Variants in FAM237A observed in about 807,000 individuals in gnomAD.
FAM237A encodes the protein protein FAM237A.
In FAM237A, 14 loss-of-function variants were observed where a neutral mutation model predicts 12.5. That is an observed-to-expected ratio of 1.12 (90% CI 0.74 to 1.75). The LOEUF (loss-of-function observed/expected upper bound fraction) is 1.75, where lower values mean the gene tolerates loss of function less well. FAM237A is among the 40% of genes most tolerant of loss of function. The pLI, the probability that FAM237A is intolerant of heterozygous loss-of-function variation, is 0.00. For missense variants in FAM237A, 240 were observed against 211.7 expected (o/e 1.13, Z -0.83); for synonymous variants, 85 against 77.5 (o/e 1.10, Z -0.51).
At position 206,644,441 on chromosome 2, in the gene FAM237A, G is replaced by A; in HGVS notation, c.205G>A (p.Val69Ile). 2 of 1,613,964 alleles carry A rather than the reference G, an allele frequency of 1.2e-6. No homozygotes were observed. The highest frequency in any genetic ancestry group is 1.7e-6 in the Non-Finnish European group (2 of 1,179,850). Residue 69 changes from valine (V) to isoleucine (I), a missense_variant, in exon 2 of 3, where the codon GTT (valine) becomes ATT (isoleucine). Val to Ile is a conservative substitution (Grantham distance 29). Transcript: ENST00000441223. ...GTGGAAACCTCGCGTTTCCAACACT[G>A]TTTCAGGCTTCTGGGATTTTATGAT... ...EMWKPRVSNT[V>I]SGFWDFMIYL...
At chr2:206,647,546 G>A (rs1699331587) in intron 2 of FAM237A, among the ~76,000 whole-genome samples, 1 of 151,884 alleles carries the variant, frequency 6.6e-6, no homozygotes, top group Non-Finnish European at 1.5e-5. Context: ...GTATGAAGAG[G>A]ATGTACCCAG....
At chr2:206,647,632 G>GACACACACACACACACACACAC (rs34672675) in intron 2 of FAM237A, among the ~76,000 whole-genome samples, 1 of 139,654 alleles carries the variant, frequency 7.2e-6, no homozygotes, top group Non-Finnish European at 1.5e-5. Flanking sequence ...GAGACACACA[G>GACACACACACACACACACACAC]ACACACACAC....
At position 206,644,529 on chromosome 2, in the gene FAM237A, T is replaced by A. The variant is rs534236889; in HGVS notation, c.293T>A (p.Phe98Tyr). The A allele has an allele frequency of 1.2e-6, 2 of 1,614,016 alleles. No homozygotes were observed. Among genetic ancestry groups the A allele is most frequent in the South Asian group, 2.2e-5 (2 of 91,086 alleles). The part of the protein sequence containing the change: ...GALFWDLAQL[F>Y]WDIYVDCVLS... ...CTGTTTTGGGATCTGGCCCAACTCT[T>A]CTGGGACATCTATGTGGACTGTGTG... Residue 98 changes from phenylalanine to tyrosine, a missense_variant, in exon 2 of 3, where the codon TTC becomes TAC. Transcript: ENST00000441223.
rs761797970 is a variant in FAM237A, at chr2:206,644,448, G to C, written c.212G>C (p.Gly71Ala). The C allele has an allele frequency of 2.5e-6, 4 of 1,613,812 alleles. No individual in the cohort carries two copies. The highest frequency in any genetic ancestry group is 3.3e-5 in the Admixed American group (2 of 60,000). ...CCTCGCGTTTCCAACACTGTTTCAG[G>C]CTTCTGGGATTTTATGATCTACCTG... ...WKPRVSNTVS[G>A]FWDFMIYLKS... Residue 71 changes from glycine (G) to alanine (A), a missense_variant, in exon 2 of 3, where the codon GGC (glycine) becomes GCC (alanine). Physicochemically the swap from Gly to Ala is moderately conservative, Grantham distance 60 (BLOSUM62 0). Transcript: ENST00000441223.
chr2:206,643,043 A>G (rs1328900305), intron 1 of FAM237A, among the ~76,000 whole-genome samples: 2 of 152,266 alleles, frequency 1.3e-5, no homozygotes, highest in African/African-American at 4.8e-5. Context: ...CTTCTTCAAT[A>G]TAGGAACATG....
chr2:206,646,492 G>T (rs1224815329), intron 2 of FAM237A, among the ~76,000 whole-genome samples: 2 of 152,294 alleles, frequency 1.3e-5, no homozygotes, highest in South Asian at 2.1e-4. Context: ...GACAGCTTCA[G>T]CTTTGGAAGT....
chr2:206,647,789 C>A (rs904538747), intron 2 of FAM237A, among the ~76,000 whole-genome samples: 6 of 151,982 alleles, frequency 3.9e-5, no homozygotes, highest in Admixed American at 3.3e-4. Flanking sequence ...GAAGTACATT[C>A]TTCTTTGTGT....
rs1195728004 is a variant in FAM237A, at chr2:206,644,313, G to A, written c.77G>A (p.Cys26Tyr). The change falls in exon 2 of 3, where the codon TGC (cysteine) becomes TAC (tyrosine). Residue 26 changes from cysteine to tyrosine, a missense_variant. Coordinates refer to ENST00000441223, the MANE Select transcript of FAM237A (RefSeq NM_001102659.3). ...TGCTCCCTGCTCATTGTGGGAATGT[G>A]CTGTGTATCTCCTTTCTTCTGCCAT... is the stretch of plus-strand genomic sequence containing the variant. The part of the protein sequence containing the change: ...FTCSLLIVGM[C>Y]CVSPFFCHSQ... 1.9e-6 allele frequency: 3 copies of A among 1,613,340 alleles called. No homozygotes were observed. Among genetic ancestry groups the A allele is most frequent in the Non-Finnish European group, 2.5e-6 (3 of 1,179,670 alleles).
At chr2:206,645,366 G>A (rs1259323690) in intron 2 of FAM237A, among the ~76,000 whole-genome samples, 1 of 152,188 alleles carries the variant, frequency 6.6e-6, no homozygotes, top group Non-Finnish European at 1.5e-5. Flanking sequence ...TATAGAATTA[G>A]AATGAGGTTG....
chr2:206,648,416 C>T (rs1435541331), intron 2 of FAM237A, among the ~76,000 whole-genome samples: 1 of 151,866 alleles, frequency 6.6e-6, no homozygotes, highest in Non-Finnish European at 1.5e-5. Flanking sequence ...ATTTTAATGC[C>T]TATTAATTGA....
chr2:206,648,484 A>T (rs1245334103), intron 2 of FAM237A, among the ~76,000 whole-genome samples, 177 bp from the exon 3 acceptor site: 1 of 152,200 alleles, frequency 6.6e-6, no homozygotes, highest in Non-Finnish European at 1.5e-5. Flanking sequence ...ACTGCATAGG[A>T]CACAAGACTT....
At chr2:206,647,924 G>A (rs1165878169) in intron 2 of FAM237A, among the ~76,000 whole-genome samples, 5 of 152,030 alleles carry the variant, frequency 3.3e-5, no homozygotes, top group African/African-American at 9.7e-5. Context: ...TTTCCTCTGC[G>A]ATGAGAAAAT....
rs1410004980 is a variant in FAM237A at position 206,648,960 on chromosome 2, T to C, written c.*166T>C. The C allele has an allele frequency of 1.0e-5, 4 of 399,336 alleles. No homozygotes were observed. The Admixed American group carries it at 1.4e-4, about 14-fold the overall frequency. 24.7% of individuals were successfully genotyped at this position (399,336 alleles called of 1,614,324 possible). On this transcript the variant is annotated 3_prime_UTR_variant, in exon 3 of 3. Coordinates refer to ENST00000441223, the MANE Select transcript of FAM237A (RefSeq NM_001102659.3). ...TTTAAAGCTGCCTTCTATTATTTATTTATTTATTTTAGGCTGCTAGCATGT... is the reference window on the plus strand; with the variant it reads ...TTTAAAGCTGCCTTCTATTATTTATCTATTTATTTTAGGCTGCTAGCATGT...
chr2:206,646,336 C>T (rs1387098205), intron 2 of FAM237A, among the ~76,000 whole-genome samples: 1 of 151,882 alleles, frequency 6.6e-6, no homozygotes, highest in Non-Finnish European at 1.5e-5. Flanking sequence ...AGCTGTCTTA[C>T]TCAAATCACC....
chr2:206,647,519 G>A (rs1399712253), intron 2 of FAM237A, among the ~76,000 whole-genome samples: 1 of 152,074 alleles, frequency 6.6e-6, no homozygotes, highest in Admixed American at 6.6e-5. Flanking sequence ...GCTGAAGGTT[G>A]AAGTATCCAA....
In FAM237A at chr2:206,644,212, T is replaced by G; in HGVS notation, c.-10-15T>G. 1 of 1,555,808 alleles carries G rather than the reference T, an allele frequency of 6.4e-7. No individual in the cohort carries two copies. Among genetic ancestry groups the G allele is most frequent in the Non-Finnish European group, 8.7e-7 (1 of 1,152,872 alleles). ...ACAAGCGGGGACTGATAAGAAATAT[T>G]TCCATCCTGTGCAGTTTTAGGGCCA... On this transcript the variant is annotated splice_polypyrimidine_tract_variant and intron_variant, in intron 1 of 2. Transcript: ENST00000441223.
chr2:206,648,725 A>G lies in FAM237A; in HGVS notation c.477A>G (p.Ile159Met). Residue 159 changes from isoleucine (I) to methionine (M), a missense_variant, in exon 3 of 3, where the codon ATA becomes ATG. Physicochemically the swap from Ile to Met is conservative, Grantham distance 10. Coordinates refer to ENST00000441223, the MANE Select transcript of FAM237A (RefSeq NM_001102659.3). ...LKKKELIEDL[I>M]SMHVRRSGSS... ...AGAAAGAGTTGATTGAAGATTTGAT[A>G]AGCATGCATGTGCGTAGGAGTGGGT... 2 of 1,582,260 alleles carry G rather than the reference A, an allele frequency of 1.3e-6. No homozygotes were observed.
At chr2:206,647,137 AAAC>A (rs1699326994) in intron 2 of FAM237A, among the ~76,000 whole-genome samples, 1 of 152,226 alleles carries the variant, frequency 6.6e-6, no homozygotes, top group African/African-American at 2.4e-5. Context: ...ACAAATATGA[AAAC>A]AAAAAAATAT....
At chr2:206,645,678 T>C (rs889471653) in intron 2 of FAM237A, among the ~76,000 whole-genome samples, 16 of 152,214 alleles carry the variant, frequency 1.1e-4, no homozygotes, top group Admixed American at 1.0e-3. Flanking sequence ...TTTATATATC[T>C]AGTTTGTTTT....
Sources: allele counts gnomAD v4.1 joint callset (sites outside exome capture counted in the v4.1 genomes callset), GRCh38; gene constraint gnomAD v4.1.1; transcripts MANE v1.5; gene names NCBI Gene and HGNC (gene_info 2026-07-23, HGNC 2026-07-21).